SUFU: variants seen among roughly 807,000 people sequenced by gnomAD.
SUFU encodes SUFU negative regulator of hedgehog signaling.
In SUFU, 7 loss-of-function variants were observed where a neutral mutation model predicts 58.9. The observed-to-expected ratio is 0.12, with a 90% CI of 0.07 to 0.22. The LOEUF (loss-of-function observed/expected upper bound fraction) is 0.22. Ranked by LOEUF, SUFU falls within the 10% of genes least tolerant of loss-of-function variation. SUFU has a pLI of 1.00. For synonymous variants in SUFU, 232 were observed against 254.8 expected, an observed-to-expected ratio of 0.91 and a Z score of 0.85; for missense variants, 451 against 641.3, an observed-to-expected ratio of 0.70 and a Z score of 3.20.
intron 3 of SUFU, among the ~76,000 whole-genome samples, chr10:102,556,400 A>T (rs2062977626): frequency 6.6e-6 from 1 of 152,230 alleles, no homozygotes; most frequent in South Asian, 2.1e-4. Flanking sequence ...GCTTCCAGAT[A>T]TGGCTAGATA....
rs1161502448 is a variant in SUFU at position 102,619,717 on chromosome 10, T to TGCCA, written c.1296+2297_1296+2300dup. ...GCAGTCAGCACTTTCTCCCTCTGAC[T>TGCCA]GCCAGCCAGCCGCCCCTGTTAGGGT... On this transcript the variant is annotated intron_variant, in intron 10 of 11. Coordinates refer to ENST00000369902, the MANE Select transcript of SUFU (RefSeq NM_016169.4). This position sits in a 1 kb window ranked among gnomAD's most constrained non-coding sequence, Gnocchi z 4.2. 2.0e-5 allele frequency among the ~76,000 whole-genome samples: 3 copies of TGCCA among 152,184 alleles called. No individual in the cohort carries two copies.
At chr10:102,514,264 G>A (rs1225065904) in intron 2 of SUFU, among the ~76,000 whole-genome samples, 1 of 152,088 alleles carries the variant, frequency 6.6e-6, no homozygotes, top group African/African-American at 2.4e-5. Flanking sequence ...TTGAGGGTAG[G>A]GACAGGCAGA....
intron 3 of SUFU, among the ~76,000 whole-genome samples, chr10:102,572,069 A>C (rs984218855): frequency 1.3e-5 from 2 of 151,916 alleles, no homozygotes; most frequent in African/African-American, 4.8e-5. Flanking sequence ...ACCCAGGAGA[A>C]TCTCTTTTTT....
intron 2 of SUFU, among the ~76,000 whole-genome samples, chr10:102,535,311 C>T (rs1021936769): frequency 6.6e-6 from 1 of 151,962 alleles, no homozygotes; most frequent in African/African-American, 2.4e-5. Flanking sequence ...ATGGAGAAAC[C>T]TCGTCTCTAC....
intron 3 of SUFU, among the ~76,000 whole-genome samples, chr10:102,553,896 C>A (rs1366762139): frequency 6.6e-6 from 1 of 152,180 alleles, no homozygotes; most frequent in Non-Finnish European, 1.5e-5. Flanking sequence ...GAGTTCAGGA[C>A]CAGCGTAGGC....
chr10:102,558,845 G>A (rs879920686), intron 3 of SUFU, among the ~76,000 whole-genome samples: 1 of 152,140 alleles, frequency 6.6e-6, no homozygotes, highest in Non-Finnish European at 1.5e-5. Context: ...TCGATGGAGC[G>A]GGCACTTTCT....
At chr10:102,622,624 C>A (rs1489622095) in intron 10 of SUFU, among the ~76,000 whole-genome samples, 1 of 151,900 alleles carries the variant, frequency 6.6e-6, no homozygotes, top group Non-Finnish European at 1.5e-5. Flanking sequence ...CGCCTGTAGT[C>A]CCAGCTTGTT....
At position 102,520,721 on chromosome 10, in the gene SUFU, G is replaced by A. The variant is rs540930711; in HGVS notation, c.317+11418G>A. 2.6e-5 allele frequency among the ~76,000 whole-genome samples: 4 copies of A among 152,284 alleles called. No individual in the cohort carries two copies. In the South Asian group the frequency reaches 8.3e-4, roughly 32 times the overall value. On this transcript the variant is annotated intron_variant, in intron 2 of 11. Coordinates refer to ENST00000369902, the MANE Select transcript of SUFU (RefSeq NM_016169.4). ...AAGGTCATAGAGTTGGAATCAAATA[G>A]TATGTAACTTTTGCAGACTAGCTTC...
At chr10:102,612,009 GCA>G (rs1376617915) in intron 8 of SUFU, among the ~76,000 whole-genome samples, 3 of 152,244 alleles carry the variant, frequency 2.0e-5, no homozygotes, top group African/African-American at 7.2e-5. Flanking sequence ...ATGCTGCCGA[GCA>G]CACTACTTAT....
intron 3 of SUFU, among the ~76,000 whole-genome samples, chr10:102,553,464 A>T (rs1392705765): frequency 2.8e-5 from 4 of 142,600 alleles, no homozygotes; most frequent in African/African-American, 7.7e-5. Context: ...ACAAAGGCAA[A>T]TTTTTTTTTT....
intron 3 of SUFU, among the ~76,000 whole-genome samples, chr10:102,585,158 C>T (rs543867967): frequency 5.9e-5 from 9 of 152,262 alleles, no homozygotes; most frequent in South Asian, 2.1e-4. Context: ...TATTGACATA[C>T]GATTCACATA....
intron 8 of SUFU, among the ~76,000 whole-genome samples, chr10:102,607,512 C>T (rs921821894): frequency 1.3e-5 from 2 of 152,090 alleles, no homozygotes; most frequent in Non-Finnish European, 1.5e-5. Context: ...TTAAACACAC[C>T]AGTCCACACA....
At chr10:102,520,638 C>T (rs961371063) in intron 2 of SUFU, among the ~76,000 whole-genome samples, 32 of 152,176 alleles carry the variant, frequency 2.1e-4, no homozygotes, top group African/African-American at 7.7e-4. Flanking sequence ...TCCCCCGAAA[C>T]CCCTGGCAAC....
At chr10:102,611,355 C>T (rs771449184) in intron 8 of SUFU, among the ~76,000 whole-genome samples, 5 of 152,308 alleles carry the variant, frequency 3.3e-5, no homozygotes, top group Non-Finnish European at 7.4e-5. Flanking sequence ...AGAGCCCTGG[C>T]GTCACCTCCC....
intron 8 of SUFU, among the ~76,000 whole-genome samples, chr10:102,610,916 G>GGGAGT (rs2063616973): frequency 6.6e-6 from 1 of 152,210 alleles, no homozygotes; most frequent in Admixed American, 6.5e-5. Context: ...CGTTGACAGA[G>GGGAGT]GGAGTGCAGT....
chr10:102,618,400 TG>T (rs2063708109), intron 10 of SUFU: 1 of 152,660 alleles, frequency 6.6e-6, no homozygotes, highest in African/African-American at 2.4e-5. Flanking sequence ...TTTTTGTCCC[TG>T]CATGTCTACA....
At chr10:102,614,358 C>G (rs1235456038) in intron 8 of SUFU, among the ~76,000 whole-genome samples, 18 of 151,654 alleles carry the variant, frequency 1.2e-4, no homozygotes, top group Non-Finnish European at 7.4e-5. Context: ...GAGTTTGAAA[C>G]CAGCCTTGCC....
intron 2 of SUFU, among the ~76,000 whole-genome samples, chr10:102,543,109 A>G (rs2062821200): frequency 6.6e-6 from 1 of 152,338 alleles, no homozygotes; most frequent in Admixed American, 6.5e-5. Context: ...GTATAAACCT[A>G]TACGTAGTTT....
intron 2 of SUFU, among the ~76,000 whole-genome samples, chr10:102,519,874 C>T (rs182391609): frequency 6.6e-5 from 10 of 151,884 alleles, no homozygotes; most frequent in Admixed American, 2.6e-4. Context: ...TGGGTTCAAG[C>T]AATTCTCCTG....
Sources: allele counts gnomAD v4.1 joint callset (sites outside exome capture counted in the v4.1 genomes callset), GRCh38; gene constraint gnomAD v4.1.1; non-coding constraint Gnocchi (gnomAD v3.1); transcripts MANE v1.5; gene names NCBI Gene and HGNC (gene_info 2026-07-23, HGNC 2026-07-21).